HDAC9: variants seen among roughly 807,000 people sequenced by gnomAD.
HDAC9 encodes the protein histone deacetylase 9, also known as MEF-2 interacting transcription repressor (MITR) protein.
A neutral mutation model predicts 139.4 loss-of-function variants in HDAC9; 41 were observed. The observed-to-expected ratio is 0.29, with a 90% CI of 0.23 to 0.38. The LOEUF (loss-of-function observed/expected upper bound fraction) is 0.38. HDAC9 is among the 10% of genes least tolerant of loss of function. The pLI, the probability that HDAC9 is intolerant of heterozygous loss-of-function variation, is 1.00. For synonymous variants in HDAC9, 517 were observed against 476.2 expected (o/e 1.09, Z -1.12); for missense variants, 1,147 against 1,297.0 (o/e 0.88, Z 1.78).
chr7:18,874,421 G>A (rs977579011), intron 21 of HDAC9, 57 bp from the exon 22 acceptor site: 29 of 1,104,886 alleles, frequency 2.6e-5, no homozygotes, highest in Admixed American at 1.0e-4. Context: ...TTCACTGAAC[G>A]ATTTTTAAAG....
chr7:18,969,330 C>T (rs1328630617), intron 24 of HDAC9, among the ~76,000 whole-genome samples: 6 of 152,078 alleles, frequency 3.9e-5, no homozygotes, highest in Non-Finnish European at 2.9e-5. Flanking sequence ...ACTAAATTAG[C>T]CTTACATTAA....
chr7:18,256,949 C>T (rs1216522790), intron 2 of HDAC9, among the ~76,000 whole-genome samples: 1 of 151,790 alleles, frequency 6.6e-6, no homozygotes, highest in Non-Finnish European at 1.5e-5. Context: ...AATAACCAGG[C>T]ATGGTGGTGC....
At chr7:18,117,854 A>G (rs1293466584) in intron 1 of HDAC9, among the ~76,000 whole-genome samples, 2 of 152,172 alleles carry the variant, frequency 1.3e-5, no homozygotes, top group East Asian at 1.9e-4. Context: ...GAATGGAGAG[A>G]CAATGGAGAG....
intron 12 of HDAC9, among the ~76,000 whole-genome samples, chr7:18,699,767 A>G (rs922376040): frequency 2.6e-5 from 4 of 152,030 alleles, no homozygotes; most frequent in South Asian, 2.1e-4. Context: ...CTTGTATTTT[A>G]TATGCATTTT....
Position 18,137,116 on chromosome 7 carries a change from G to T in HDAC9, c.-96-25113G>T, listed in dbSNP as rs1319638720. On this transcript the variant is annotated intron_variant, in intron 1 of 12. Coordinates refer to the HDAC9 transcript ENST00000417496. ...TTTGGCTCTCTGTTTGTCTGTTATTGGTGTATAGGAATGCTTGTGATTTTT... is the reference window on the plus strand; with the variant it reads ...TTTGGCTCTCTGTTTGTCTGTTATTTGTGTATAGGAATGCTTGTGATTTTT... 1.4e-5 allele frequency among the ~76,000 whole-genome samples: 2 copies of T among 146,442 alleles called. 1 individual carries two copies. Among genetic ancestry groups the T allele is most frequent in the African/African-American group, 5.2e-5 (2 of 38,516 alleles).
intron 1 of HDAC9, among the ~76,000 whole-genome samples, chr7:18,321,287 A>C (rs532787211): frequency 6.6e-6 from 1 of 152,132 alleles, no homozygotes; most frequent in Non-Finnish European, 1.5e-5. Context: ...CAGAACCTTC[A>C]TACTCTTTCC....
intron 23 of HDAC9, among the ~76,000 whole-genome samples, chr7:18,953,003 A>G (rs1337524506): frequency 6.6e-6 from 1 of 151,992 alleles, no homozygotes; most frequent in Non-Finnish European, 1.5e-5. Context: ...ATTGTTGTAG[A>G]TTTCATGATT....
intron 1 of HDAC9, among the ~76,000 whole-genome samples, chr7:18,466,019 G>C (rs1794244703): frequency 6.6e-6 from 1 of 152,092 alleles, no homozygotes; most frequent in East Asian, 1.9e-4. Flanking sequence ...GTATTAGTGG[G>C]GCACATTGGC....
At chr7:18,271,437 G>C (rs302177) in intron 2 of HDAC9, among the ~76,000 whole-genome samples, 115,714 of 152,028 alleles carry the variant, frequency 0.76, 44,146 homozygotes, top group South Asian at 0.87. Flanking sequence ...TCCTCACCAT[G>C]GTGTTGGACT....
intron 1 of HDAC9, among the ~76,000 whole-genome samples, chr7:18,407,814 T>A (rs905508745): frequency 6.6e-6 from 1 of 152,222 alleles, no homozygotes; most frequent in African/African-American, 2.4e-5. Flanking sequence ...AGGAAATCTA[T>A]TGTGTTTCCT....
chr7:18,783,187 G>GT lies in HDAC9; in HGVS notation c.2215-10157dup, dbSNP rs1791401777. Among the ~76,000 whole-genome samples, 3 of 152,178 alleles carry GT rather than the reference G, an allele frequency of 2.0e-5. No individual in the cohort carries two copies. The South Asian group carries it at 6.2e-4, about 31-fold the overall frequency. The stretch of plus-strand genomic sequence containing the variant: ...CTTGGTACAATTTATGTTGATAGGT[G>GT]TAACTTATTAATACAAATTCCTAAA... On this transcript the variant is annotated intron_variant, in intron 16 of 25. Coordinates refer to ENST00000686413, the MANE Select transcript of HDAC9 (RefSeq NM_178425.4).
intron 25 of HDAC9, among the ~76,000 whole-genome samples, chr7:18,984,788 T>C (rs924789068): frequency 5.9e-5 from 9 of 152,226 alleles, no homozygotes; most frequent in Non-Finnish European, 1.5e-5. Context: ...GAGGCGAACA[T>C]GGACAAAAGG....
chr7:18,094,380 T>A (rs1034191661), intron 1 of HDAC9, among the ~76,000 whole-genome samples: 5 of 152,122 alleles, frequency 3.3e-5, no homozygotes, highest in Non-Finnish European at 5.9e-5. Flanking sequence ...AAGCCCAAAC[T>A]TCTTAGCATG....
intron 2 of HDAC9, among the ~76,000 whole-genome samples, chr7:18,235,284 G>A (rs893728795): frequency 6.6e-6 from 1 of 152,010 alleles, no homozygotes; most frequent in Non-Finnish European, 1.5e-5. Flanking sequence ...AAGTTTACCA[G>A]AGGTATATTG....
intron 1 of HDAC9, among the ~76,000 whole-genome samples, chr7:18,352,046 T>C (rs1041125579): frequency 1.3e-5 from 2 of 152,188 alleles, no homozygotes. Flanking sequence ...TTTATATTTT[T>C]CTCACAATAA....
At chr7:18,744,587 A>G (rs1171975849) in intron 13 of HDAC9, among the ~76,000 whole-genome samples, 1 of 152,100 alleles carries the variant, frequency 6.6e-6, no homozygotes, top group East Asian at 1.9e-4. Context: ...AATGTTCTAA[A>G]CTCAGCTTTC....
intron 1 of HDAC9, among the ~76,000 whole-genome samples, chr7:18,362,824 G>C (rs1005860751): frequency 1.3e-5 from 2 of 152,098 alleles, no homozygotes; most frequent in Admixed American, 1.3e-4. Flanking sequence ...ATCTTGAATA[G>C]TAAAGAGTTC....
At chr7:18,508,099 G>C (rs1305211682) in intron 2 of HDAC9, among the ~76,000 whole-genome samples, 1 of 152,170 alleles carries the variant, frequency 6.6e-6, no homozygotes, top group Non-Finnish European at 1.5e-5. Flanking sequence ...ATTAAACAAA[G>C]CAAGGAGATA....
intron 22 of HDAC9, among the ~76,000 whole-genome samples, chr7:18,909,925 T>C (rs145651905): frequency 1.0e-3 from 157 of 152,090 alleles, no homozygotes; most frequent in Middle Eastern, 0.01. Flanking sequence ...GTGGGGTTTT[T>C]TGCTCAGGAC....
Sources: allele counts gnomAD v4.1 joint callset (sites outside exome capture counted in the v4.1 genomes callset), GRCh38; gene constraint gnomAD v4.1.1; transcripts MANE v1.5; gene names NCBI Gene and HGNC (gene_info 2026-07-23, HGNC 2026-07-21).